SLC4A4: variants seen among roughly 807,000 people sequenced by gnomAD.
SLC4A4 encodes the protein electrogenic sodium bicarbonate cotransporter 1.
In SLC4A4, 27 loss-of-function variants were observed where a neutral mutation model predicts 111.5. The observed-to-expected ratio is 0.24, with a 90% CI of 0.18 to 0.33. The LOEUF (loss-of-function observed/expected upper bound fraction) is 0.33. Ranked by LOEUF, SLC4A4 falls within the 10% of genes least tolerant of loss-of-function variation. SLC4A4 has a pLI of 1.00. For synonymous variants in SLC4A4, 443 were observed against 463.4 expected, an observed-to-expected ratio of 0.96 and a Z score of 0.57; for missense variants, 909 against 1,315.5, an observed-to-expected ratio of 0.69 and a Z score of 4.78.
intron 8 of SLC4A4, among the ~76,000 whole-genome samples, chr4:71,441,402 A>C (rs944289334): frequency 5.3e-5 from 8 of 152,184 alleles, no homozygotes; most frequent in Admixed American, 5.2e-4. Flanking sequence ...CTGGGAGTGC[A>C]ATTAGTTGAC....
At chr4:71,286,490 C>G (rs1162668220) in intron 3 of SLC4A4, among the ~76,000 whole-genome samples, 1 of 152,204 alleles carries the variant, frequency 6.6e-6, no homozygotes, top group Non-Finnish European at 1.5e-5. Flanking sequence ...TAGCATGTGT[C>G]TCTTCTTGGG....
intron 7 of SLC4A4, among the ~76,000 whole-genome samples, chr4:71,420,708 A>C (rs1227229939): frequency 2.7e-5 from 4 of 150,138 alleles, no homozygotes; most frequent in African/African-American, 9.7e-5. Flanking sequence ...AGAATTTTCA[A>C]CCCAGAATTT....
chr4:71,386,995 T>C (rs956543018), intron 6 of SLC4A4, among the ~76,000 whole-genome samples: 1 of 152,220 alleles, frequency 6.6e-6, no homozygotes, highest in Admixed American at 6.5e-5. Flanking sequence ...CCCTGGTCTT[T>C]TCTGGATACT....
chr4:71,528,828 A>G (rs985501341), intron 16 of SLC4A4, among the ~76,000 whole-genome samples: 1 of 152,016 alleles, frequency 6.6e-6, no homozygotes, highest in Non-Finnish European at 1.5e-5. Flanking sequence ...AAAATATCAA[A>G]CAGTATGTGA....
chr4:71,480,244 C>T (rs1024873864), intron 14 of SLC4A4, among the ~76,000 whole-genome samples: 11 of 151,350 alleles, frequency 7.3e-5, no homozygotes, highest in African/African-American at 2.4e-4. Flanking sequence ...TCCAGCACAC[C>T]ATCGTAGATG....
chr4:71,385,544 C>G, intron 6 of SLC4A4, among the ~76,000 whole-genome samples: 1 of 152,008 alleles, frequency 6.6e-6, no homozygotes, highest in East Asian at 1.9e-4. Flanking sequence ...TGTGCTTTCT[C>G]TATCAGTTTG....
intron 20 of SLC4A4, among the ~76,000 whole-genome samples, chr4:71,553,397 A>T (rs13151067): frequency 0.38 from 57,783 of 151,650 alleles, 12,898 homozygotes; most frequent in Non-Finnish European, 0.51. Flanking sequence ...ATTAGAAAAA[A>T]CATTTAGCTA....
rs747852925 is a variant in SLC4A4, at chr4:71,357,040, C to A, written c.583C>A (p.Leu195Ile). The change falls in exon 6 of 26, where the codon CTA becomes ATA. Residue 195 changes from leucine (L) to isoleucine (I), a missense_variant. Coordinates refer to ENST00000264485, the MANE Select transcript of SLC4A4 (RefSeq NM_001098484.3). ...MIVDHQIETG[L>I]LKPELKDKVT... ...TGTTGACCATCAGATTGAGACAGGC[C>A]TATTGAAACCTGAACTTAAGGATAA... The A allele has an allele frequency of 6.2e-7, 1 of 1,614,004 alleles. No homozygotes were observed. Among genetic ancestry groups the A allele is most frequent in the East Asian group, 2.2e-5 (1 of 44,866 alleles).
intron 2 of SLC4A4, among the ~76,000 whole-genome samples, chr4:71,136,796 AAAT>A (rs1417142667): frequency 6.6e-6 from 1 of 152,204 alleles, no homozygotes; most frequent in Non-Finnish European, 1.5e-5. Context: ...ATAATCCCTG[AAAT>A]AATAATAACA....
chr4:71,535,119 C>A (rs766674540), intron 18 of SLC4A4, among the ~76,000 whole-genome samples: 16 of 152,044 alleles, frequency 1.1e-4, no homozygotes, highest in Admixed American at 5.2e-4. Context: ...TAGTGGAGGG[C>A]TACTATGAGC....
At chr4:71,551,748 T>G (rs937806054) in intron 20 of SLC4A4, among the ~76,000 whole-genome samples, 8 of 151,892 alleles carry the variant, frequency 5.3e-5, no homozygotes, top group African/African-American at 9.7e-5. Flanking sequence ...TTGATCCAAC[T>G]TCCAGTCCTT....
intron 2 of SLC4A4, 64 bp from the exon 3 acceptor site, chr4:71,255,156 G>C (rs1721351181): frequency 7.3e-7 from 1 of 1,372,840 alleles, no homozygotes; most frequent in Admixed American, 1.7e-5. Context: ...TGTGTATCTT[G>C]TGCAATTTGT....
At chr4:71,145,529 C>T (rs1024044122) in intron 2 of SLC4A4, among the ~76,000 whole-genome samples, 2 of 152,186 alleles carry the variant, frequency 1.3e-5, no homozygotes, top group African/African-American at 4.8e-5. Context: ...ACGGTACCAG[C>T]TCCTCCTTGT....
intron 18 of SLC4A4, among the ~76,000 whole-genome samples, chr4:71,539,224 C>T (rs931969225): frequency 6.6e-6 from 1 of 152,044 alleles, no homozygotes; most frequent in Non-Finnish European, 1.5e-5. Context: ...TATGCCTAGA[C>T]TCTTCTAAAG....
At chr4:71,275,478 CAG>C (rs1005204854) in intron 3 of SLC4A4, among the ~76,000 whole-genome samples, 58 of 152,294 alleles carry the variant, frequency 3.8e-4, no homozygotes, top group African/African-American at 1.3e-3. Context: ...ATATTGGTGA[CAG>C]GGGGTGATGG....
At chr4:71,272,716 C>A (rs1722783392) in intron 3 of SLC4A4, among the ~76,000 whole-genome samples, 1 of 152,102 alleles carries the variant, frequency 6.6e-6, no homozygotes, top group South Asian at 2.1e-4. Flanking sequence ...AAGGATATGA[C>A]TTTGACATGA....
chr4:71,376,491 C>T (rs914508447), intron 6 of SLC4A4, among the ~76,000 whole-genome samples: 41 of 151,534 alleles, frequency 2.7e-4, no homozygotes, highest in African/African-American at 8.5e-4. Flanking sequence ...GCATAAGCCA[C>T]TGCATCTGGC....
At chr4:71,079,450 A>G (rs991360512) in intron 1 of SLC4A4, among the ~76,000 whole-genome samples, 1 of 152,184 alleles carries the variant, frequency 6.6e-6, no homozygotes, top group Admixed American at 6.5e-5. Context: ...ACCTTCAAGT[A>G]CTATGATGAC....
chr4:71,263,681 G>C lies in SLC4A4; in HGVS notation c.253+8282G>C, dbSNP rs185501470. On this transcript the variant is annotated intron_variant, in intron 3 of 25. Coordinates refer to ENST00000264485, the MANE Select transcript of SLC4A4 (RefSeq NM_001098484.3). Reference sequence around the variant, plus strand: ...TGAATCATGGTGCAATGAAAAGAGAGAATACCAGGAAAAGTCTTTTTTTTA... The same window carrying C: ...TGAATCATGGTGCAATGAAAAGAGACAATACCAGGAAAAGTCTTTTTTTTA... Among the ~76,000 whole-genome samples, 139 of 152,226 alleles carry C rather than the reference G, an allele frequency of 9.1e-4. 2 individuals carry two copies. Among genetic ancestry groups the C allele is most frequent in the African/African-American group, 2.9e-3 (121 of 41,524 alleles).
Sources: gnomAD v4.1 joint callset for allele counts (sites outside exome capture counted in the v4.1 genomes callset) on GRCh38, gnomAD v4.1.1 for gene constraint, MANE v1.5 for transcripts, NCBI Gene and HGNC (gene_info 2026-07-23, HGNC 2026-07-21) for gene names.